FADS1: variants seen among roughly 807,000 people sequenced by gnomAD.
FADS1 encodes fatty acid desaturase 1.
In FADS1, 17 loss-of-function variants were observed where a neutral mutation model predicts 61.6. The ratio of observed to expected loss-of-function variants is 0.28; its 90% CI spans 0.19 to 0.41. The LOEUF (loss-of-function observed/expected upper bound fraction) is 0.41, where lower values mean the gene tolerates loss of function less well. Among genes scored for constraint, FADS1 ranks in the 10% least tolerant of loss-of-function variants. The pLI, the probability that FADS1 is intolerant of heterozygous loss-of-function variation, is 1.00. For synonymous variants in FADS1, 238 were observed against 258.7 expected (o/e 0.92, Z 0.77); for missense variants, 387 against 650.9 (o/e 0.59, Z 4.41).
chr11:61,805,155 CTCTT>C, intron 6 of FADS1: 2 of 304,338 alleles, frequency 6.6e-6, no homozygotes, highest in Non-Finnish European at 6.0e-6. Context: ...TGCTAATACT[CTCTT>C]ACTTACCTTG....
In FADS1 at chr11:61,806,631, G is replaced by C; in HGVS notation, c.976+33C>G. 3 of 1,587,766 alleles carry C rather than the reference G, an allele frequency of 1.9e-6. No individual in the cohort carries two copies. The African/African-American group carries it at 4.0e-5, about 21-fold the overall frequency. On this transcript the variant is annotated intron_variant, in intron 6 of 11. Transcript: ENST00000350997. ...TCATTCCCTCAGCATTCCCTCCTGA[G>C]GCAGCTCCCCTGTGTTGGATGGGGA...
intron 1 of FADS1, among the ~76,000 whole-genome samples, chr11:61,813,782 A>T (rs1006107994): frequency 1.3e-5 from 2 of 151,922 alleles, no homozygotes; most frequent in African/African-American, 4.8e-5. Context: ...TGGCTAACAC[A>T]GTGAAACCCC....
Position 61,803,492 on chromosome 11 carries a change from C to T in FADS1, c.1152-33G>A, listed in dbSNP as rs2066871931. On this transcript the variant is annotated intron_variant, in intron 8 of 11. Transcript: ENST00000350997. This position sits in a 1 kb window ranked among gnomAD's most constrained non-coding sequence, Gnocchi z 4.3. ...ATGTATTACACAGACAAAAACAGTA[C>T]ACACAGAGCCCAGAATTCTGATTCC... 1.9e-6 allele frequency: 3 copies of T among 1,557,606 alleles called. No homozygotes were observed. The highest frequency in any genetic ancestry group is 2.7e-6 in the Non-Finnish European group (3 of 1,128,526).
rs1238575658 is a variant in FADS1 at position 61,802,368 on chromosome 11, G to A, written c.*43C>T. On this transcript the variant is annotated 3_prime_UTR_variant, in exon 12 of 12. Transcript: ENST00000350997. The surrounding 1 kb of genome is among the most constrained non-coding windows in gnomAD (Gnocchi z 4.2). ...CAAGCTCCCCTCTGCCTTGGCTCCA[G>A]AGTCTTCCTCCTCTTCTTCCAGACT... is the stretch of plus-strand genomic sequence containing the variant. 2 of 1,530,754 alleles carry A rather than the reference G, an allele frequency of 1.3e-6. No homozygotes were observed. The highest frequency in any genetic ancestry group is 1.8e-6 in the Non-Finnish European group (2 of 1,125,796). 94.8% of individuals were successfully genotyped at this position (1,530,754 alleles called of 1,614,324 possible).
At chr11:61,811,269 C>T (rs1365476110) in intron 3 of FADS1, among the ~76,000 whole-genome samples, 194 bp from the exon 4 acceptor site, 1 of 152,182 alleles carries the variant, frequency 6.6e-6, no homozygotes, top group Non-Finnish European at 1.5e-5. Flanking sequence ...AATCACCATC[C>T]CTTCTCTGTT....
rs1356882725 is a variant in FADS1 at position 61,803,333 on chromosome 11, G to A, written c.1248+30C>T. ...GCATCCTTTTCAATAGTTGTGTTATGCTCCAGTCTTCTGAGTGACTGTCCC... is the reference window on the plus strand; with the variant it reads ...GCATCCTTTTCAATAGTTGTGTTATACTCCAGTCTTCTGAGTGACTGTCCC... On this transcript the variant is annotated intron_variant, in intron 9 of 11. Coordinates refer to ENST00000350997, the MANE Select transcript of FADS1 (RefSeq NM_013402.7). This position sits in a 1 kb window ranked among gnomAD's most constrained non-coding sequence, Gnocchi z 4.3. 2 of 1,547,230 alleles carry A rather than the reference G, an allele frequency of 1.3e-6. No individual in the cohort carries two copies. Among genetic ancestry groups the A allele is most frequent in the Non-Finnish European group, 1.8e-6 (2 of 1,119,098 alleles).
intron 5 of FADS1, among the ~76,000 whole-genome samples, chr11:61,808,256 A>T (rs1291636093): frequency 6.6e-6 from 1 of 151,980 alleles, no homozygotes; most frequent in Non-Finnish European, 1.5e-5. Context: ...GAATCTCTTG[A>T]ACTCGGGAGG....
chr11:61,813,392 G>A lies in FADS1; in HGVS notation c.376-39C>T, dbSNP rs766285531. On this transcript the variant is annotated intron_variant, in intron 1 of 11. Coordinates refer to ENST00000350997, the MANE Select transcript of FADS1 (RefSeq NM_013402.7). ...GAGAAGATGAAAGGTGAGGGAGCCA[G>A]CCCCCTGGACTCCGGCAGTGTTCGC... 1.3e-5 allele frequency: 17 copies of A among 1,266,864 alleles called. No homozygotes were observed. In the Admixed American group the frequency reaches 2.5e-4, roughly 18 times the overall value. 78.5% of individuals were successfully genotyped at this position (1,266,864 alleles called of 1,614,324 possible).
At chr11:61,813,692 G>C (rs892772253) in intron 1 of FADS1, 1 of 216,002 alleles carries the variant, frequency 4.6e-6, no homozygotes, top group African/African-American at 2.3e-5. Context: ...CCGGCCGGGC[G>C]CGGTGGCTCA....
Position 61,816,178 on chromosome 11 carries a change from C to A in FADS1, c.375+377G>T, listed in dbSNP as rs2066980447. 6 of 1,343,954 alleles carry A rather than the reference C, an allele frequency of 4.5e-6. No individual in the cohort carries two copies. In the East Asian group the frequency reaches 1.2e-4, roughly 26 times the overall value. 83.3% of individuals were successfully genotyped at this position (1,343,954 alleles called of 1,614,324 possible). On this transcript the variant is annotated intron_variant, in intron 1 of 11. Transcript: ENST00000350997. This position sits in a 1 kb window ranked among gnomAD's most constrained non-coding sequence, Gnocchi z 7.0. Reference sequence around the variant, plus strand: ...TGTGACTCCCTCCCCTGGCCACTGACCCCCTCCCTCCCCAGGCGGCCTGCA... The same window carrying A: ...TGTGACTCCCTCCCCTGGCCACTGAACCCCTCCCTCCCCAGGCGGCCTGCA...
chr11:61,803,492 C>A lies in FADS1; in HGVS notation c.1152-33G>T. On this transcript the variant is annotated intron_variant, in intron 8 of 11. Transcript: ENST00000350997. The surrounding 1 kb of genome is among the most constrained non-coding windows in gnomAD (Gnocchi z 4.3). The stretch of plus-strand genomic sequence containing the variant: ...ATGTATTACACAGACAAAAACAGTA[C>A]ACACAGAGCCCAGAATTCTGATTCC... The A allele has an allele frequency of 1.9e-6, 3 of 1,557,608 alleles. No homozygotes were observed. The highest frequency in any genetic ancestry group is 2.7e-6 in the Non-Finnish European group (3 of 1,128,528).
Position 61,800,422 on chromosome 11 carries a change from C to G in FADS1, c.*1989G>C, listed in dbSNP as rs1003362289. The G allele has an allele frequency of 2.4e-4, 36 of 152,332 alleles. No individual in the cohort carries two copies. The highest frequency in any genetic ancestry group is 8.4e-4 in the African/African-American group (35 of 41,452). 9.4% of individuals were successfully genotyped at this position (152,332 alleles called of 1,614,324 possible). A position where few individuals can be genotyped will look rare whatever the true frequency, so the allele number is the denominator to read the frequency against. On this transcript the variant is annotated 3_prime_UTR_variant, in exon 12 of 12. Transcript: ENST00000350997. The stretch of plus-strand genomic sequence containing the variant: ...GTTCTCCAGCTAAGTAAAATGTGCC[C>G]AAATGGAAAACATCTAAATCTTCTG...
intron 2 of FADS1, 135 bp from the exon 3 acceptor site, chr11:61,812,803 C>G (rs919984798): frequency 2.8e-6 from 2 of 721,368 alleles, no homozygotes; most frequent in African/African-American, 3.5e-5. Context: ...AAAGATACCA[C>G]GACAATGAGG....
In FADS1 at chr11:61,813,236, G is replaced by T. The variant is rs577457168; in HGVS notation, c.486+7C>A. On this transcript the variant is annotated splice_region_variant and intron_variant, in intron 2 of 11. Coordinates refer to ENST00000350997, the MANE Select transcript of FADS1 (RefSeq NM_013402.7). ...ATAGTTGCGACATAGCAAACACAGG[G>T]TCTTACATTCTTGGTGGGCTCAAAG... 24 of 1,544,696 alleles carry T rather than the reference G, an allele frequency of 1.6e-5. No homozygotes were observed. In the African/African-American group the frequency reaches 2.2e-4, roughly 14 times the overall value.
At chr11:61,812,697 C>T (rs773747605) in intron 2 of FADS1, 29 bp from the exon 3 acceptor site, 1 of 1,595,778 alleles carries the variant, frequency 6.3e-7, no homozygotes, top group Non-Finnish European at 8.6e-7. Flanking sequence ...AGCTGTTATT[C>T]TTCTCATCTG....
Position 61,801,984 on chromosome 11 carries a change from G to C in FADS1, c.*427C>G, listed in dbSNP as rs1039682731. The C allele has an allele frequency of 5.9e-5, 11 of 187,616 alleles. No homozygotes were observed. The highest frequency in any genetic ancestry group is 5.4e-4 in the Admixed American group (10 of 18,502). 11.6% of individuals were successfully genotyped at this position (187,616 alleles called of 1,614,324 possible). ...CAACCTCCACCTCCCCGGTTCAAGCGATTCTCCTGCCTCAGCCTCCTGGGT... is the reference window on the plus strand; with the variant it reads ...CAACCTCCACCTCCCCGGTTCAAGCCATTCTCCTGCCTCAGCCTCCTGGGT... On this transcript the variant is annotated 3_prime_UTR_variant, in exon 12 of 12. Transcript: ENST00000350997.
chr11:61,802,829 G>A lies in FADS1; in HGVS notation c.1426C>T (p.Leu476=). Residue 476 remains leucine, a synonymous_variant, in exon 11 of 12, where the codon CTG becomes TTG. Transcript: ENST00000350997. This position sits in a 1 kb window ranked among gnomAD's most constrained non-coding sequence, Gnocchi z 4.2. The part of the protein sequence containing the change: ...KHGIEYQSKP[L]LSAFADIIHS... ...ATGATGTCGGCGAAGGCTGACAGCA[G>A]GGGCTTGGACTGGTACTCTATGCCA... 2 of 1,614,250 alleles carry A rather than the reference G, an allele frequency of 1.2e-6. No individual in the cohort carries two copies. Among genetic ancestry groups the A allele is most frequent in the Middle Eastern group, 1.6e-4 (1 of 6,062 alleles).
chr11:61,811,223 C>T, intron 3 of FADS1, 148 bp from the exon 4 acceptor site: 1 of 625,762 alleles, frequency 1.6e-6, no homozygotes. Context: ...GGTCCTAGTT[C>T]TGCCTCTGCC....
Position 61,803,832 on chromosome 11 carries a change from C to G in FADS1, c.1054-65G>C. 1.6e-6 allele frequency: 2 copies of G among 1,246,024 alleles called. No individual in the cohort carries two copies. Among genetic ancestry groups the G allele is most frequent in the Admixed American group, 3.4e-5 (2 of 58,050 alleles). The allele number at this position is 1,246,024 out of a possible 1,614,324, so 77.2% of individuals were successfully genotyped here. A position where few individuals can be genotyped will look rare whatever the true frequency, so the allele number is the denominator to read the frequency against. On this transcript the variant is annotated intron_variant, in intron 7 of 11. Transcript: ENST00000350997. The surrounding 1 kb of genome is among the most constrained non-coding windows in gnomAD (Gnocchi z 4.3). ...ACTCTTCCTCTTCCTCTCAGCAGCT[C>G]TTTGTTTGCATGGTGCAGCCATTCT...
Sources: gnomAD v4.1 joint callset for allele counts (sites outside exome capture counted in the v4.1 genomes callset) on GRCh38, gnomAD v4.1.1 for gene constraint, Gnocchi (gnomAD v3.1) non-coding constraint, MANE v1.5 for transcripts, NCBI Gene and HGNC (gene_info 2026-07-23, HGNC 2026-07-21) for gene names.